Variants in FGF14 observed in about 807,000 individuals in gnomAD.
The protein encoded by FGF14 is fibroblast growth factor homologous factor 4.
A neutral mutation model predicts 25.5 loss-of-function variants in FGF14; 5 were observed. The observed-to-expected ratio is 0.20, with a 90% confidence interval of 0.10 to 0.41. The LOEUF is 0.41. Among genes scored for constraint, FGF14 ranks in the 10% least tolerant of loss-of-function variants. The pLI is 1.00. For missense variants in FGF14, 222 were observed against 320.1 expected (o/e 0.69, Z 2.34); for synonymous variants, 138 against 118.3 (o/e 1.17, Z -1.08).
chr13:102,235,770 C>T (rs2051300587), intron 1 of FGF14, among the ~76,000 whole-genome samples: 1 of 152,168 alleles, frequency 6.6e-6, no homozygotes, highest in Admixed American at 6.5e-5. Context: ...ACCAGAGTGA[C>T]TCTATCTTGA....
chr13:101,830,916 G>A (rs991893936), intron 3 of FGF14, among the ~76,000 whole-genome samples: 1 of 151,998 alleles, frequency 6.6e-6, no homozygotes. Flanking sequence ...GCCAGAAATG[G>A]CAGCCAAATA....
chr13:102,133,186 C>T (rs960481562), intron 1 of FGF14, among the ~76,000 whole-genome samples: 1 of 152,142 alleles, frequency 6.6e-6, no homozygotes, highest in Admixed American at 6.5e-5. Flanking sequence ...TTATGTTTAC[C>T]ATTATAATTC....
intron 1 of FGF14, among the ~76,000 whole-genome samples, chr13:102,357,591 G>A (rs1398907761): frequency 6.6e-6 from 1 of 152,098 alleles, no homozygotes; most frequent in African/African-American, 2.4e-5. Context: ...GGGACTTTGA[G>A]CAAATTAAAT....
chr13:101,800,751 A>G (rs1158841536), intron 3 of FGF14, among the ~76,000 whole-genome samples: 1 of 152,174 alleles, frequency 6.6e-6, no homozygotes, highest in African/African-American at 2.4e-5. Flanking sequence ...ACCTTGTTCT[A>G]GGGAGTTTTG....
intron 1 of FGF14, among the ~76,000 whole-genome samples, chr13:102,389,248 G>C (rs1459769064): frequency 6.6e-6 from 1 of 151,912 alleles, no homozygotes; most frequent in Non-Finnish European, 1.5e-5. Context: ...ATCTCCCCCA[G>C]TAACTAACAT....
intron 3 of FGF14, among the ~76,000 whole-genome samples, chr13:101,782,868 T>G (rs181058633): frequency 4.3e-4 from 65 of 152,348 alleles, no homozygotes; most frequent in Non-Finnish European, 7.9e-4. Flanking sequence ...TGTGTCTTTA[T>G]AGTAGAACAA....
chr13:102,221,132 T>C (rs2050592443), intron 1 of FGF14, among the ~76,000 whole-genome samples: 1 of 152,214 alleles, frequency 6.6e-6, no homozygotes, highest in East Asian at 1.9e-4. Flanking sequence ...CAACTAACTC[T>C]AGGTACTCTA....
intron 1 of FGF14, among the ~76,000 whole-genome samples, chr13:101,913,139 T>C (rs1353444749): frequency 1.3e-5 from 2 of 152,196 alleles, no homozygotes; most frequent in Non-Finnish European, 2.9e-5. Context: ...TTTCATAATT[T>C]CAACAGGTGA....
At chr13:102,019,458 C>T (rs1034801394) in intron 1 of FGF14, among the ~76,000 whole-genome samples, 1 of 152,092 alleles carries the variant, frequency 6.6e-6, no homozygotes, top group Non-Finnish European at 1.5e-5. Context: ...CCTGACTTCC[C>T]TGATTTCTAT....
chr13:101,889,011 T>C (rs779763572), intron 1 of FGF14, among the ~76,000 whole-genome samples: 20 of 152,022 alleles, frequency 1.3e-4, no homozygotes, highest in African/African-American at 4.8e-4. Context: ...AAGAGGAGAT[T>C]AGGACCTCAG....
chr13:101,867,593 C>A (rs535736782), intron 3 of FGF14, among the ~76,000 whole-genome samples: 1 of 152,070 alleles, frequency 6.6e-6, no homozygotes, highest in Admixed American at 6.6e-5. Flanking sequence ...GAAAGTAATC[C>A]TTTTCGTATT....
At chr13:102,333,477 G>A (rs1362606867) in intron 1 of FGF14, among the ~76,000 whole-genome samples, 1 of 152,162 alleles carries the variant, frequency 6.6e-6, no homozygotes, top group Admixed American at 6.6e-5. Flanking sequence ...TGAGTCCCCT[G>A]CTATACCGTT....
chr13:101,726,029 T>C (rs927867478), intron 4 of FGF14, among the ~76,000 whole-genome samples: 2 of 151,910 alleles, frequency 1.3e-5, no homozygotes, highest in Middle Eastern at 3.2e-3. Context: ...ATTATTTTAG[T>C]AAAAGAAGTA....
At chr13:102,096,034 G>C (rs2044384061) in intron 1 of FGF14, among the ~76,000 whole-genome samples, 2 of 148,394 alleles carry the variant, frequency 1.3e-5, no homozygotes, top group African/African-American at 4.9e-5. Context: ...TTCTTTATTT[G>C]ACATAAAGAG....
At chr13:101,933,897 CTG>C (rs1258172711) in intron 1 of FGF14, among the ~76,000 whole-genome samples, 1 of 151,940 alleles carries the variant, frequency 6.6e-6, no homozygotes, top group Non-Finnish European at 1.5e-5. Context: ...ATATGTGTGA[CTG>C]TGTATGTTTT....
At chr13:102,047,809 C>T (rs1371315058) in intron 1 of FGF14, among the ~76,000 whole-genome samples, 1 of 151,974 alleles carries the variant, frequency 6.6e-6, no homozygotes. Context: ...TGCACATGTA[C>T]CCTAAAACTT....
chr13:102,022,672 T>C (rs1450361766), intron 1 of FGF14, among the ~76,000 whole-genome samples: 2 of 152,110 alleles, frequency 1.3e-5, no homozygotes, highest in Admixed American at 6.6e-5. Flanking sequence ...TCATTTAAGA[T>C]GTTTAAAATT....
At position 101,724,781 on chromosome 13, in the gene FGF14, G is replaced by A. The variant is rs970880862; in HGVS notation, c.608-1814C>T. ...TCAAGTAAACAATGTGATAATCTCT[G>A]TCGTTATAGTACCTACCCCCTTAAC... On this transcript the variant is annotated intron_variant, in intron 4 of 4. Transcript: ENST00000376143. Among the ~76,000 whole-genome samples, 7 of 150,950 alleles carry A rather than the reference G, an allele frequency of 4.6e-5. No homozygotes were observed. The Admixed American group carries it at 4.6e-4, about 10-fold the overall frequency.
At chr13:101,868,704 G>T (rs767124603) in intron 3 of FGF14, 21 bp downstream of exon 3, 2 of 1,415,630 alleles carry the variant, frequency 1.4e-6, no homozygotes, top group East Asian at 4.6e-5. Flanking sequence ...GAATGGCCGA[G>T]ATCTTTGGCG....
Sources: gnomAD v4.1 joint callset for allele counts (sites outside exome capture counted in the v4.1 genomes callset) on GRCh38, gnomAD v4.1.1 for gene constraint, MANE v1.5 for transcripts, NCBI Gene and HGNC (gene_info 2026-07-23, HGNC 2026-07-21) for gene names.